The following PLEKHB1 variants were observed in gnomAD, a reference collection of about 807,000 sequenced individuals.
The protein encoded by PLEKHB1 is pleckstrin homology domain-containing family B member 1.
In PLEKHB1, 29 loss-of-function variants were observed where a neutral mutation model predicts 36.2. The observed-to-expected ratio is 0.80, with a 90% CI of 0.60 to 1.09. The LOEUF (loss-of-function observed/expected upper bound fraction) is 1.09. PLEKHB1 is among the 50% of genes least tolerant of loss of function. PLEKHB1 has a pLI of 0.00. For missense variants in PLEKHB1, 330 were observed against 348.2 expected (o/e 0.95, Z 0.42); for synonymous variants, 138 against 140.0 (o/e 0.99, Z 0.10).
intron 1 of PLEKHB1, chr11:73,648,724 A>G: frequency 8.6e-7 from 1 of 1,167,466 alleles, no homozygotes; most frequent in East Asian, 5.5e-5. Flanking sequence ...ACCAGGACAG[A>G]GGGCCAGGGA....
In PLEKHB1 at chr11:73,661,016, A is replaced by G. The variant is rs1054115362; in HGVS notation, c.595+164A>G. ...CCCCTCTCCATCCTGAGACTGGGAG[A>G]GCTCTGGAACCAGCGTTCGTCTCGA... On this transcript the variant is annotated intron_variant, in intron 7 of 7. Transcript: ENST00000354190. This position sits in a 1 kb window ranked among gnomAD's most constrained non-coding sequence, Gnocchi z 4.6. The G allele has an allele frequency of 1.5e-6, 1 of 686,604 alleles. No homozygotes were observed. The highest frequency in any genetic ancestry group is 1.8e-5 in the African/African-American group (1 of 56,056). The allele number at this position is 686,604 out of a possible 1,614,324, so 42.5% of individuals were successfully genotyped here.
chr11:73,657,050 G>T (rs191455697), intron 6 of PLEKHB1, among the ~76,000 whole-genome samples: 2 of 152,158 alleles, frequency 1.3e-5, no homozygotes, highest in Non-Finnish European at 2.9e-5. Context: ...TGAGGCAGGA[G>T]AATGGCTTGA....
rs183308122 is a variant in PLEKHB1 at position 73,656,376 on chromosome 11, C to T, written c.495+469C>T. Among the ~76,000 whole-genome samples the T allele has an allele frequency of 3.3e-5, 5 of 152,300 alleles. No homozygotes were observed. The East Asian group carries it at 9.7e-4, about 29-fold the overall frequency. ...GCAAGAATGAGGCCTGATTGCGCTGCCTCTATGGAACTTGGCACAAGGCTA... is the reference window on the plus strand; with the variant it reads ...GCAAGAATGAGGCCTGATTGCGCTGTCTCTATGGAACTTGGCACAAGGCTA... On this transcript the variant is annotated intron_variant, in intron 6 of 7. Coordinates refer to ENST00000354190, the MANE Select transcript of PLEKHB1 (RefSeq NM_021200.3).
intron 5 of PLEKHB1, chr11:73,653,426 T>C (rs1410026599): frequency 6.4e-6 from 3 of 470,408 alleles, no homozygotes; most frequent in Non-Finnish European, 8.5e-6. Flanking sequence ...GCTGCTACTA[T>C]GGGCCAGGTG....
intron 5 of PLEKHB1, among the ~76,000 whole-genome samples, chr11:73,653,977 T>TA (rs1009715658): frequency 6.7e-5 from 10 of 149,224 alleles, no homozygotes; most frequent in South Asian, 6.3e-4. Context: ...TTGGGGCATG[T>TA]AAAAAAAAGG....
intron 3 of PLEKHB1, among the ~76,000 whole-genome samples, chr11:73,651,162 C>T (rs1038817540): frequency 6.6e-6 from 1 of 151,712 alleles, no homozygotes; most frequent in Admixed American, 6.6e-5. Flanking sequence ...CCAGCCTGGG[C>T]AACATGGCAA....
At chr11:73,650,846 C>A in intron 3 of PLEKHB1, 141 bp downstream of exon 3, 2 of 1,055,030 alleles carry the variant, frequency 1.9e-6, no homozygotes, top group Non-Finnish European at 2.6e-6. Context: ...CTGTCAACTC[C>A]AATTCAGTTT....
chr11:73,653,123 T>C (rs1944931186), intron 5 of PLEKHB1, 109 bp downstream of exon 5: 8 of 1,176,210 alleles, frequency 6.8e-6, no homozygotes, highest in Middle Eastern at 2.7e-4. Context: ...CTTATGTGGA[T>C]AGGTTTCTGC....
rs1406971297 is a variant in PLEKHB1 at position 73,661,258 on chromosome 11, G to A, written c.596-208G>A. 2.6e-5 allele frequency among the ~76,000 whole-genome samples: 4 copies of A among 152,204 alleles called. No homozygotes were observed. Among genetic ancestry groups the A allele is most frequent in the Non-Finnish European group, 5.9e-5 (4 of 68,036 alleles). On this transcript the variant is annotated intron_variant, in intron 7 of 7. Transcript: ENST00000354190. This position sits in a 1 kb window ranked among gnomAD's most constrained non-coding sequence, Gnocchi z 4.6. ...CGCCCTAGCCTGCCGTAGCGGACCCGTAGGTTCCGGGACATCCGTAGCCGA... is the reference window on the plus strand; with the variant it reads ...CGCCCTAGCCTGCCGTAGCGGACCCATAGGTTCCGGGACATCCGTAGCCGA...
intron 1 of PLEKHB1, chr11:73,648,649 C>G (rs1944818878): frequency 9.8e-7 from 1 of 1,019,258 alleles, no homozygotes; most frequent in African/African-American, 1.7e-5. Flanking sequence ...TCTAATGTTT[C>G]AAGAGCTCCT....
intron 3 of PLEKHB1, among the ~76,000 whole-genome samples, chr11:73,651,218 A>G (rs993155832): frequency 6.6e-6 from 1 of 151,884 alleles, no homozygotes; most frequent in Non-Finnish European, 1.5e-5. Context: ...TTAGCCGGGC[A>G]TGGTAGTGTG....
intron 1 of PLEKHB1, chr11:73,648,701 T>A: frequency 9.1e-7 from 1 of 1,097,864 alleles, no homozygotes; most frequent in South Asian, 2.8e-5. Context: ...CTTCTACAGA[T>A]CTAGAAACTG....
intron 6 of PLEKHB1, among the ~76,000 whole-genome samples, chr11:73,657,407 C>A (rs976540737): frequency 6.6e-6 from 1 of 152,132 alleles, no homozygotes. Flanking sequence ...AGACTGTAAA[C>A]CTAATAACAC....
In PLEKHB1 at chr11:73,651,438, T is replaced by C. The variant is rs1039178030; in HGVS notation, c.248-350T>C. On this transcript the variant is annotated intron_variant, in intron 3 of 7. Transcript: ENST00000354190. ...TGTCTCAGAGGTGAGCCAGGCACAG[T>C]TCCTGCCCTCCAGGCGCTCGGTACT... is the stretch of plus-strand genomic sequence containing the variant. 5 of 504,240 alleles carry C rather than the reference T, an allele frequency of 9.9e-6. No individual in the cohort carries two copies. The Admixed American group carries it at 1.1e-4, about 11-fold the overall frequency. The allele number at this position is 504,240 out of a possible 1,614,324, so 31.2% of individuals were successfully genotyped here.
At chr11:73,647,154 C>G (rs754025354) in intron 1 of PLEKHB1, among the ~76,000 whole-genome samples, 1 of 152,118 alleles carries the variant, frequency 6.6e-6, no homozygotes, top group Non-Finnish European at 1.5e-5. Flanking sequence ...AGGAAACTGC[C>G]CCTCATCCTC....
rs141054861 is a variant in PLEKHB1, at chr11:73,653,154, C to T, written c.390+140C>T. The T allele has an allele frequency of 3.6e-5, 32 of 881,714 alleles. No homozygotes were observed. In the East Asian group the frequency reaches 8.3e-4, roughly 23 times the overall value. The allele number at this position is 881,714 out of a possible 1,614,324, so 54.6% of individuals were successfully genotyped here. A position where few individuals can be genotyped will look rare whatever the true frequency, so the allele number is the denominator to read the frequency against. The stretch of plus-strand genomic sequence containing the variant: ...TCTGCAAACTCTGATGCCTGAGTCC[C>T]AAGTGTTCGGGGAAAGGATAAGGGA... On this transcript the variant is annotated intron_variant, in intron 5 of 7. Coordinates refer to ENST00000354190, the MANE Select transcript of PLEKHB1 (RefSeq NM_021200.3).
intron 6 of PLEKHB1, 108 bp downstream of exon 6, chr11:73,656,015 A>G: frequency 2.2e-6 from 2 of 912,756 alleles, no homozygotes; most frequent in East Asian, 2.6e-5. Flanking sequence ...ATGGCTCCCT[A>G]TCACCCACAG....
intron 2 of PLEKHB1, among the ~76,000 whole-genome samples, chr11:73,650,236 G>T (rs1274431208): frequency 5.3e-5 from 8 of 152,190 alleles, no homozygotes; most frequent in Admixed American, 3.3e-4. Context: ...GAGAGAAGAT[G>T]CAGGCTTAAG....
At chr11:73,655,362 C>T (rs778969091) in intron 5 of PLEKHB1, among the ~76,000 whole-genome samples, 66 of 152,256 alleles carry the variant, frequency 4.3e-4, no homozygotes, top group Non-Finnish European at 7.6e-4. Context: ...CTTTGTCCTC[C>T]GACATGCTGG....
Sources: allele counts gnomAD v4.1 joint callset (sites outside exome capture counted in the v4.1 genomes callset), GRCh38; gene constraint gnomAD v4.1.1; non-coding constraint Gnocchi (gnomAD v3.1); transcripts MANE v1.5; gene names NCBI Gene and HGNC (gene_info 2026-07-23, HGNC 2026-07-21).